The following RECQL variants were observed in gnomAD, a reference collection of about 807,000 sequenced individuals.
The protein encoded by RECQL is RecQ like helicase.
Under a neutral mutation model 75.8 loss-of-function variants are expected in RECQL, and 73 were observed. That is an observed-to-expected ratio of 0.96 (90% CI 0.80 to 1.17). RECQL has a LOEUF of 1.17. Among genes scored for constraint, RECQL ranks in the 50% most tolerant of loss-of-function variants. The pLI, the probability that RECQL is intolerant of heterozygous loss-of-function variation, is 0.00. For synonymous variants in RECQL, 248 were observed against 254.4 expected, an observed-to-expected ratio of 0.97 and a Z score of 0.24; for missense variants, 699 against 772.1, an observed-to-expected ratio of 0.91 and a Z score of 1.12.
At chr12:21,478,026 T>C (rs1943119751) in intron 6 of RECQL, 57 bp from the exon 7 acceptor site, 1 of 1,503,104 alleles carries the variant, frequency 6.7e-7, no homozygotes, top group Non-Finnish European at 9.0e-7. Flanking sequence ...GAGTAAATTA[T>C]ATCTTTTAAC....
chr12:21,470,313 C>G lies in RECQL; in HGVS notation c.1831G>C (p.Gly611Arg), dbSNP rs541752188. 1.3e-6 allele frequency: 2 copies of G among 1,581,056 alleles called. No homozygotes were observed. The highest frequency in any genetic ancestry group is 3.6e-5 in the Admixed American group (2 of 55,634). The change falls in exon 15 of 15, where the codon GGT (glycine) becomes CGT (arginine). Residue 611 changes from glycine (G) to arginine (R), a missense_variant. Physicochemically the swap from Gly to Arg is moderately radical, Grantham distance 125. Coordinates refer to ENST00000444129, the MANE Select transcript of RECQL (RefSeq NM_002907.4). The part of the protein sequence containing the change: ...ESSQTCHSEQ[G>R]DKKMEEKNSG... Reference sequence around the variant, plus strand: ...TTTTTTTCCTCCATCTTTTTATCACCTTGTTCAGAATGACAAGTTTGAGAC... The same window carrying G: ...TTTTTTTCCTCCATCTTTTTATCACGTTGTTCAGAATGACAAGTTTGAGAC...
In RECQL at chr12:21,468,982, A is replaced by T; in HGVS notation, c.*1212T>A. The T allele has an allele frequency of 2.6e-6, 1 of 383,942 alleles. No individual in the cohort carries two copies. Among genetic ancestry groups the T allele is most frequent in the South Asian group, 3.2e-5 (1 of 31,082 alleles). 23.8% of individuals were successfully genotyped at this position (383,942 alleles called of 1,614,324 possible). A position where few individuals can be genotyped will look rare whatever the true frequency, so the allele number is the denominator to read the frequency against. ...TACAACACTGACCGCTTAGATAAAA[A>T]TCTTAAGTTATTTATTTCTGTGTTT... On this transcript the variant is annotated 3_prime_UTR_variant, in exon 15 of 15. Transcript: ENST00000444129.
chr12:21,498,172 C>T (rs368880978), intron 2 of RECQL, among the ~76,000 whole-genome samples: 1 of 152,196 alleles, frequency 6.6e-6, no homozygotes, highest in Non-Finnish European at 1.5e-5. Context: ...ACTATGTTCA[C>T]CAACAACCTG....
Position 21,470,265 on chromosome 12 carries a change from C to T in RECQL, c.1879G>A (p.Ala627Thr). 1 of 1,608,872 alleles carries T rather than the reference C, an allele frequency of 6.2e-7. No homozygotes were observed. Residue 627 changes from alanine to threonine, a missense_variant, in exon 15 of 15, where the codon GCT becomes ACT. By Grantham distance (58) the Ala-to-Thr change is moderately conservative. Around this residue, in one of 2 missense-constraint regions of RECQL, gnomAD observed 30 missense variants for 58.6 expected, o/e 0.51. Transcript: ENST00000444129. The stretch of plus-strand genomic sequence containing the variant: ...CCAGATTGCTGAAGCATGTTTGCAG[C>T]CTTCTTCTGGAAGTTGCCTGAATTT... The part of the protein sequence containing the change: ...EKNSGNFQKK[A>T]ANMLQQSGSK...
intron 2 of RECQL, among the ~76,000 whole-genome samples, chr12:21,495,375 T>G (rs1248835386): frequency 6.6e-6 from 1 of 152,142 alleles, no homozygotes; most frequent in East Asian, 1.9e-4. Context: ...GGCGGGTGGA[T>G]CACGAGATCA....
chr12:21,488,950 C>T (rs12318289), intron 4 of RECQL, among the ~76,000 whole-genome samples: 62,572 of 152,052 alleles, frequency 0.41, 13,118 homozygotes, highest in South Asian at 0.49. Flanking sequence ...AATGTTCTCT[C>T]TTGCTTTTGG....
In RECQL at chr12:21,477,822, C is replaced by G; in HGVS notation, c.848G>C (p.Arg283Thr). The change falls in exon 7 of 15, where the codon AGG (arginine) becomes ACG (threonine). Residue 283 changes from arginine to threonine, a missense_variant. Arg to Thr is a moderately conservative substitution (Grantham distance 71). Transcript: ENST00000444129. ...KCFTFTASFNRPNLYYEVRQK... is the reference protein window; with the variant it reads ...KCFTFTASFNTPNLYYEVRQK... ...ACATACCTCATAATATAGATTTGGC[C>G]TATTAAAAGAAGCTGTAAAAGTAAA... 1 of 1,612,194 alleles carries G rather than the reference C, an allele frequency of 6.2e-7. No individual in the cohort carries two copies. Among genetic ancestry groups the G allele is most frequent in the Non-Finnish European group, 8.5e-7 (1 of 1,179,060 alleles).
chr12:21,492,388 G>A (rs959266674), intron 2 of RECQL, among the ~76,000 whole-genome samples: 5 of 152,178 alleles, frequency 3.3e-5, no homozygotes, highest in African/African-American at 9.7e-5. Context: ...ATACCACATC[G>A]ATGGAAGCTA....
intron 2 of RECQL, among the ~76,000 whole-genome samples, chr12:21,497,207 T>A (rs1943524507): frequency 6.6e-6 from 1 of 152,056 alleles, no homozygotes; most frequent in Admixed American, 6.5e-5. Context: ...AGTGAGCAGG[T>A]TCTAAGTGAA....
chr12:21,470,033 C>T lies in RECQL; in HGVS notation c.*161G>A. 2 of 773,558 alleles carry T rather than the reference C, an allele frequency of 2.6e-6. No homozygotes were observed. The highest frequency in any genetic ancestry group is 3.8e-5 in the Admixed American group (1 of 26,636). The allele number at this position is 773,558 out of a possible 1,614,324, so 47.9% of individuals were successfully genotyped here. On this transcript the variant is annotated 3_prime_UTR_variant, in exon 15 of 15. Transcript: ENST00000444129. The stretch of plus-strand genomic sequence containing the variant: ...TAATTCATGATCTCTAATTTTCAAA[C>T]ATTCTCAAAAGTTTAGATCTTCAGA...
intron 6 of RECQL, among the ~76,000 whole-genome samples, chr12:21,482,290 G>C (rs1424139672): frequency 6.6e-6 from 1 of 151,446 alleles, no homozygotes; most frequent in African/African-American, 2.4e-5. Context: ...GATTACTAAT[G>C]TTTGAAAGTA....
chr12:21,476,573 A>T (rs1225371378), intron 8 of RECQL, among the ~76,000 whole-genome samples: 3 of 152,126 alleles, frequency 2.0e-5, no homozygotes, highest in Non-Finnish European at 4.4e-5. Context: ...ATCCCTTTAG[A>T]ATATCAGTTG....
intron 6 of RECQL, among the ~76,000 whole-genome samples, chr12:21,479,898 G>A (rs1943160718): frequency 1.3e-5 from 2 of 152,150 alleles, no homozygotes; most frequent in Admixed American, 1.3e-4. Context: ...CAGGGAAGAG[G>A]GAGACAGTGC....
chr12:21,493,997 T>C (rs1215293720), intron 2 of RECQL, among the ~76,000 whole-genome samples: 1 of 152,108 alleles, frequency 6.6e-6, no homozygotes, highest in Non-Finnish European at 1.5e-5. Flanking sequence ...AGAAAAGAAG[T>C]TTATTTTGCT....
intron 2 of RECQL, 90 bp downstream of exon 2, chr12:21,499,465 T>A (rs1389688646): frequency 8.3e-7 from 1 of 1,210,206 alleles, no homozygotes; most frequent in African/African-American, 1.5e-5. Flanking sequence ...ATCATTTCTA[T>A]AATCAGAATT....
rs1433549924 is a variant in RECQL, at chr12:21,469,095, A to C, written c.*1099T>G. ...AGCCAAATGTACTCTAGTAGACTAG[A>C]ACCATTCTTTGTGAAATGTCAAAAT... is the stretch of plus-strand genomic sequence containing the variant. On this transcript the variant is annotated 3_prime_UTR_variant, in exon 15 of 15. Transcript: ENST00000444129. 5.6e-6 allele frequency: 1 copy of C among 180,100 alleles called. No homozygotes were observed. The highest frequency in any genetic ancestry group is 2.4e-5 in the African/African-American group (1 of 41,756). The allele number at this position is 180,100 out of a possible 1,614,324, so 11.2% of individuals were successfully genotyped here.
At position 21,499,595 on chromosome 12, in the gene RECQL, T is replaced by C. The variant is rs1322568818; in HGVS notation, c.-25A>G. ...TTCTTTTTCTTTCCAAATTTGTTTC[T>C]AAAATAATCCAAATTTCTTTCTAAA... is the stretch of plus-strand genomic sequence containing the variant. On this transcript the variant is annotated 5_prime_UTR_variant, in exon 2 of 15. Transcript: ENST00000444129. The C allele has an allele frequency of 2.5e-6, 4 of 1,578,888 alleles. No homozygotes were observed. Among genetic ancestry groups the C allele is most frequent in the Non-Finnish European group, 3.4e-6 (4 of 1,160,216 alleles).
chr12:21,478,028 T>C (rs1298001203), intron 6 of RECQL, 59 bp from the exon 7 acceptor site: 15 of 1,482,138 alleles, frequency 1.0e-5, no homozygotes, highest in South Asian at 1.3e-5. Context: ...GTAAATTATA[T>C]CTTTTAACAT....
chr12:21,477,706 A>T, intron 7 of RECQL, 97 bp downstream of exon 7: 1 of 950,884 alleles, frequency 1.1e-6, no homozygotes, highest in Non-Finnish European at 1.5e-6. Flanking sequence ...AATTTTTGTA[A>T]GTACTTAACT....
Sources: allele counts gnomAD v4.1 joint callset (sites outside exome capture counted in the v4.1 genomes callset), GRCh38; gene constraint gnomAD v4.1.1; regional missense constraint gnomAD v4.1.1; transcripts MANE v1.5; gene names NCBI Gene and HGNC (gene_info 2026-07-23, HGNC 2026-07-21).